CFAP65: variants seen among roughly 807,000 people sequenced by gnomAD.
CFAP65 encodes the protein cilia and flagella associated protein 65.
Under a neutral mutation model 208.0 loss-of-function variants are expected in CFAP65, and 155 were observed. The observed-to-expected ratio is 0.75, with a 90% CI of 0.65 to 0.85. CFAP65 has a LOEUF of 0.85. Among genes scored for constraint, CFAP65 ranks in the 40% least tolerant of loss-of-function variants. CFAP65 has a pLI of 0.00. For missense variants in CFAP65, 2,294 were observed against 2,451.3 expected (o/e 0.94, Z 1.36); for synonymous variants, 970 against 986.3 (o/e 0.98, Z 0.31).
In CFAP65 at chr2:219,019,729, G is replaced by T. The variant is rs1446887383; in HGVS notation, c.3260-10C>A. The T allele has an allele frequency of 1.2e-6, 2 of 1,611,204 alleles. No individual in the cohort carries two copies. Among genetic ancestry groups the T allele is most frequent in the East Asian group, 4.5e-5 (2 of 44,848 alleles). ...TCCCCAGCCTTGTTATCTGGGGAGG[G>T]GGGTGAGGAAGACAGAAGTGGGCTT... On this transcript the variant is annotated splice_polypyrimidine_tract_variant and intron_variant, in intron 19 of 34. Transcript: ENST00000341552.
chr2:219,016,083 G>A (rs1946861503), intron 21 of CFAP65, among the ~76,000 whole-genome samples: 1 of 152,158 alleles, frequency 6.6e-6, no homozygotes. Flanking sequence ...CTAGCAGCTG[G>A]ACTTGGAGAG....
rs529696574 is a variant in CFAP65 at position 219,010,898 on chromosome 2, G to T, written c.4056C>A (p.Ile1352=). The change falls in exon 25 of 35, where the codon ATC becomes ATA. Residue 1352 remains isoleucine, a synonymous_variant. Coordinates refer to ENST00000341552, the MANE Select transcript of CFAP65 (RefSeq NM_194302.4). ...CCCCTTTGGGGTTGAGGCAGCAAAA[G>T]ATGGGGTGATCAAAATTTTTTTCCT... is the stretch of plus-strand genomic sequence containing the variant. ...QVQEKNFDHP[I]FCCLNPKGEI... 4.3e-6 allele frequency: 7 copies of T among 1,613,782 alleles called. No homozygotes were observed. In the East Asian group the frequency reaches 1.3e-4, roughly 31 times the overall value.
chr2:219,041,503 C>T lies in CFAP65; in HGVS notation c.-64G>A. The stretch of plus-strand genomic sequence containing the variant: ...CAGAACTTACATCGCCTCCATATTG[C>T]CGTCTCCATAGATACAGGACGCGCA... On this transcript the variant is annotated 5_prime_UTR_variant, in exon 1 of 35. Transcript: ENST00000341552. 2 of 1,550,570 alleles carry T rather than the reference C, an allele frequency of 1.3e-6. No individual in the cohort carries two copies. The highest frequency in any genetic ancestry group is 1.7e-6 in the Non-Finnish European group (2 of 1,146,988).
chr2:219,012,259 C>T (rs565592030), intron 24 of CFAP65, among the ~76,000 whole-genome samples: 1 of 152,370 alleles, frequency 6.6e-6, no homozygotes, highest in East Asian at 1.9e-4. Context: ...CTGACAAGCC[C>T]TCTTGGTTGT....
At chr2:219,006,339 C>T in intron 30 of CFAP65, 116 bp from the exon 31 acceptor site, 2 of 1,481,440 alleles carry the variant, frequency 1.4e-6, no homozygotes, top group Non-Finnish European at 1.9e-6. Context: ...GCGTGTGACC[C>T]CACTCATTGG....
At chr2:219,021,012 G>A (rs560928625) in intron 19 of CFAP65, 140 bp downstream of exon 19, 136 of 877,870 alleles carry the variant, frequency 1.5e-4, no homozygotes, top group African/African-American at 7.6e-4. Flanking sequence ...ATTTATGCCA[G>A]ACACCAAAGG....
intron 16 of CFAP65, 24 bp downstream of exon 16, chr2:219,023,183 C>G: frequency 6.3e-7 from 1 of 1,591,928 alleles, no homozygotes; most frequent in South Asian, 1.1e-5. Context: ...GTTGCCGTCA[C>G]TCGGCAGGAG....
chr2:219,013,833 C>G, intron 22 of CFAP65, 35 bp downstream of exon 22: 1 of 1,547,426 alleles, frequency 6.5e-7, no homozygotes, highest in African/African-American at 1.4e-5. Context: ...GCCTCTATGA[C>G]TGGAAGTGCA....
chr2:219,040,402 T>G (rs1948597346), intron 2 of CFAP65, 117 bp downstream of exon 2: 2 of 670,578 alleles, frequency 3.0e-6, no homozygotes, highest in Non-Finnish European at 5.5e-6. Flanking sequence ...GTTGGCAACA[T>G]GTCTAAACCC....
At chr2:219,019,783 C>G (rs1257380191) in intron 19 of CFAP65, 64 bp from the exon 20 acceptor site, 39 of 1,422,482 alleles carry the variant, frequency 2.7e-5, no homozygotes, top group Non-Finnish European at 3.7e-5. Flanking sequence ...AGGGGGCATG[C>G]AGGCCAAAGG....
rs772518618 is a variant in CFAP65 at position 219,006,054 on chromosome 2, A to G, written c.4889T>C (p.Phe1630Ser). Residue 1630 changes from phenylalanine (F) to serine (S), a missense_variant, in exon 31 of 35, where the codon TTC (phenylalanine) becomes TCC (serine). By Grantham distance (155) the Phe-to-Ser change is radical. This residue lies in a region of CFAP65 where 1,427 missense variants were observed against 1,438.7 expected (regional missense o/e 0.99). Transcript: ENST00000341552. ...AHATDYFLAN[F>S]FSEFPCHFLH... Reference sequence around the variant, plus strand: ...AAAGTGGCAGGGAAACTCTGAGAAGAAGTTAGCCAGAAAGTAGTCGGTGGC... The same window carrying G: ...AAAGTGGCAGGGAAACTCTGAGAAGGAGTTAGCCAGAAAGTAGTCGGTGGC... 1.9e-6 allele frequency: 3 copies of G among 1,613,216 alleles called. No homozygotes were observed. In the East Asian group the frequency reaches 6.7e-5, roughly 36 times the overall value.
In CFAP65 at chr2:219,021,879, A is replaced by T. The variant is rs1362260844; in HGVS notation, c.3031T>A (p.Ser1011Thr). 1.2e-6 allele frequency: 2 copies of T among 1,613,818 alleles called. No homozygotes were observed. Among genetic ancestry groups the T allele is most frequent in the Admixed American group, 1.7e-5 (1 of 60,022 alleles). The change falls in exon 18 of 35, where the codon TCC becomes ACC. Residue 1011 changes from serine (S) to threonine (T), a missense_variant. Physicochemically the swap from Ser to Thr is moderately conservative, Grantham distance 58. Transcript: ENST00000341552. ...TCATTCAGGAGGACAAGGAACCTGG[A>T]CTGCTTGCTGTTCACCAGCACATTC... The part of the protein sequence containing the change: ...FGNVLVNSKQ[S>T]RFLVLLNDGN...
In CFAP65 at chr2:219,031,075, A is replaced by G; in HGVS notation, c.1015+31T>C. On this transcript the variant is annotated intron_variant, in intron 8 of 34. Coordinates refer to ENST00000341552, the MANE Select transcript of CFAP65 (RefSeq NM_194302.4). This position sits in a 1 kb window ranked among gnomAD's most constrained non-coding sequence, Gnocchi z 5.2. ...GGACCCAGAAGGTGCAGGAGGGGCC[A>G]GTCTGGGGACGGTGGGAGGTTGGGC... 1 of 1,559,476 alleles carries G rather than the reference A, an allele frequency of 6.4e-7. No homozygotes were observed. The highest frequency in any genetic ancestry group is 1.2e-5 in the South Asian group (1 of 85,084).
In CFAP65 at chr2:219,024,188, G is replaced by A; in HGVS notation, c.2422C>T (p.Leu808=). Residue 808 remains leucine (L), a synonymous_variant, in exon 15 of 35, where the codon CTG becomes TTG. Coordinates refer to ENST00000341552, the MANE Select transcript of CFAP65 (RefSeq NM_194302.4). ...CTCTGGGGGGCCAGGCTGAAGGTCAGCAGCTTGCAGTCTTTGTTGACCAGG... is the reference window on the plus strand; with the variant it reads ...CTCTGGGGGGCCAGGCTGAAGGTCAACAGCTTGCAGTCTTTGTTGACCAGG... ...LLLVNKDCKL[L]TFSLAPQRGS... is the part of the protein sequence containing the mutation. The A allele has an allele frequency of 6.2e-7, 1 of 1,614,022 alleles. No individual in the cohort carries two copies. The highest frequency in any genetic ancestry group is 1.3e-5 in the African/African-American group (1 of 75,060).
chr2:219,039,560 C>G (rs1190518872), intron 2 of CFAP65, among the ~76,000 whole-genome samples: 1 of 152,128 alleles, frequency 6.6e-6, no homozygotes, highest in African/African-American at 2.4e-5. Flanking sequence ...CACTGCCCCC[C>G]AAAATATAAT....
chr2:219,026,278 G>C, intron 13 of CFAP65, 119 bp from the exon 14 acceptor site: 1 of 1,064,886 alleles, frequency 9.4e-7, no homozygotes, highest in Non-Finnish European at 1.4e-6. Flanking sequence ...ACAGACAGGA[G>C]GGCCTCCCTG....
chr2:219,013,335 T>C lies in CFAP65; in HGVS notation c.3881A>G (p.Gln1294Arg). The C allele has an allele frequency of 6.2e-7, 1 of 1,613,960 alleles. No homozygotes were observed. The highest frequency in any genetic ancestry group is 1.1e-5 in the South Asian group (1 of 90,992). The part of the protein sequence containing the change: ...NFIGVTVKPE[Q>R]KYVHFTSTTH... ...AGTAGAGGTGAAGTGCACATACTTC[T>C]GCTCCGGCTTCACTGTCACACCTAT... Residue 1294 changes from glutamine (Q) to arginine (R), a missense_variant, in exon 24 of 35, where the codon CAG (glutamine) becomes CGG (arginine). Coordinates refer to ENST00000341552, the MANE Select transcript of CFAP65 (RefSeq NM_194302.4).
At chr2:219,016,289 C>CTTTTTTTTTTTT (rs5838714) in intron 21 of CFAP65, among the ~76,000 whole-genome samples, 1 of 85,552 alleles carries the variant, frequency 1.2e-5, no homozygotes, top group African/African-American at 6.0e-5. Flanking sequence ...AGTCTCCCTC[C>CTTTTTTTTTTTT]TTTTTTTTTT....
Position 219,019,577 on chromosome 2 carries a change from G to T in CFAP65, c.3402C>A (p.Asp1134Glu). ...RKHLWRLFSL[D>E]LLNSYLERDP... ...CACGCTCCAAGTAACTGTTAAGCAG[G>T]TCCAGAGAGAAGAGGCGCCACAGGT... The change falls in exon 20 of 35, where the codon GAC (aspartate) becomes GAA (glutamate). Residue 1134 changes from aspartate (D) to glutamate (E), a missense_variant. By Grantham distance (45) the Asp-to-Glu change is conservative (BLOSUM62 2). Transcript: ENST00000341552. 1.2e-6 allele frequency: 2 copies of T among 1,613,760 alleles called. No homozygotes were observed. Among genetic ancestry groups the T allele is most frequent in the Non-Finnish European group, 1.7e-6 (2 of 1,180,018 alleles).
Sources: allele counts gnomAD v4.1 joint callset (sites outside exome capture counted in the v4.1 genomes callset), GRCh38; gene constraint gnomAD v4.1.1; regional missense constraint gnomAD v4.1.1; non-coding constraint Gnocchi (gnomAD v3.1); transcripts MANE v1.5; gene names NCBI Gene and HGNC (gene_info 2026-07-23, HGNC 2026-07-21).